The following LARGE1 variants were observed in gnomAD, a reference collection of about 807,000 sequenced individuals.
LARGE1 encodes the protein xylosyl- and glucuronyltransferase LARGE1.
Under a neutral mutation model 87.6 loss-of-function variants are expected in LARGE1, and 43 were observed. The observed-to-expected ratio is 0.49, with a 90% CI of 0.38 to 0.63. The LOEUF (loss-of-function observed/expected upper bound fraction) is 0.63. Among genes scored for constraint, LARGE1 ranks in the 30% least tolerant of loss-of-function variants. The pLI, the probability that LARGE1 is intolerant of heterozygous loss-of-function variation, is 0.00. For missense variants in LARGE1, 802 were observed against 1,000.2 expected (o/e 0.80, Z 2.67); for synonymous variants, 434 against 394.6 (o/e 1.10, Z -1.18).
intron 1 of LARGE1, among the ~76,000 whole-genome samples, chr22:33,789,644 A>G (rs1437265831): frequency 6.6e-6 from 1 of 152,180 alleles, no homozygotes; most frequent in Non-Finnish European, 1.5e-5. Context: ...ATGGGAGCCC[A>G]CCTCTTGCAT....
At chr22:33,222,254 C>A (rs150494813) in intron 11 of LARGE1, among the ~76,000 whole-genome samples, 1 of 152,098 alleles carries the variant, frequency 6.6e-6, no homozygotes, top group African/African-American at 2.4e-5. Context: ...GGGTGCTGCA[C>A]CTGAGTGCTC....
chr22:33,290,539 T>C (rs1033170946), intron 12 of LARGE1, among the ~76,000 whole-genome samples: 2 of 152,178 alleles, frequency 1.3e-5, no homozygotes, highest in African/African-American at 2.4e-5. Flanking sequence ...GAGACTGCGA[T>C]GAGCACCTAA....
At chr22:33,824,051 C>A (rs1391667447) in intron 1 of LARGE1, among the ~76,000 whole-genome samples, 1 of 152,188 alleles carries the variant, frequency 6.6e-6, no homozygotes. Context: ...TCCTTTAAGG[C>A]TGATATCATT....
intron 6 of LARGE1, among the ~76,000 whole-genome samples, chr22:33,450,203 C>T (rs1372638248): frequency 6.6e-6 from 1 of 152,082 alleles, no homozygotes; most frequent in Non-Finnish European, 1.5e-5. Flanking sequence ...TGAGCCACTG[C>T]ACCTGGCCGA....
intron 11 of LARGE1, among the ~76,000 whole-genome samples, chr22:33,214,432 G>A (rs1039661933): frequency 6.6e-6 from 1 of 151,960 alleles, no homozygotes; most frequent in Non-Finnish European, 1.5e-5. Flanking sequence ...GGGCCGGGGG[G>A]AGCAAAATAT....
intron 7 of LARGE1, among the ~76,000 whole-genome samples, chr22:33,421,749 T>C (rs2066704162): frequency 6.6e-6 from 1 of 152,190 alleles, no homozygotes; most frequent in East Asian, 1.9e-4. Context: ...AAGTGACATA[T>C]AGGAATTCCT....
chr22:33,921,738 A>T (rs1321619802), upstream of LARGE1, among the ~76,000 whole-genome samples: 1 of 152,050 alleles, frequency 6.6e-6, no homozygotes, highest in Non-Finnish European at 1.5e-5. This position sits in a 1 kb window ranked among gnomAD's most constrained non-coding sequence, Gnocchi z 4.1. Context: ...CCCTCTTGGC[A>T]TAAGAACCCG....
At chr22:33,704,601 G>A (rs2149381529) in intron 2 of LARGE1, among the ~76,000 whole-genome samples, 1 of 152,242 alleles carries the variant, frequency 6.6e-6, no homozygotes, top group African/African-American at 2.4e-5. Flanking sequence ...AGTGAGGCCT[G>A]GAAAAGATGA....
At chr22:33,385,527 CAAAAAA>C (rs75780176) in intron 7 of LARGE1, among the ~76,000 whole-genome samples, 1 of 19,442 alleles carries the variant, frequency 5.1e-5, no homozygotes, top group Admixed American at 7.0e-4. Flanking sequence ...GACACCGTCT[CAAAAAA>C]AAAAAAAAAA....
At chr22:33,405,916 A>AGTTAGAATAAATGAATT (rs1275976895) in intron 7 of LARGE1, among the ~76,000 whole-genome samples, 10 of 152,196 alleles carry the variant, frequency 6.6e-5, no homozygotes, top group African/African-American at 2.4e-4. Flanking sequence ...AGAATAAATG[A>AGTTAGAATAAATGAATT]AGACCATTAA....
At chr22:33,805,547 A>C (rs2086280962) in intron 1 of LARGE1, among the ~76,000 whole-genome samples, 1 of 152,052 alleles carries the variant, frequency 6.6e-6, no homozygotes, top group Admixed American at 6.6e-5. Context: ...CAGCCTGGCC[A>C]ACATGGTGAA....
At chr22:33,157,738 C>T (rs757013440), downstream of LARGE1, among the ~76,000 whole-genome samples, 31 of 152,040 alleles carry the variant, frequency 2.0e-4, no homozygotes, top group Admixed American at 5.2e-4. Context: ...TAGTACTCAT[C>T]GTAGTTTTAA....
intron 12 of LARGE1, among the ~76,000 whole-genome samples, chr22:33,291,772 T>TC (rs1213763633): frequency 6.6e-6 from 1 of 151,752 alleles, no homozygotes; most frequent in African/African-American, 2.4e-5. Flanking sequence ...ATGGCGTTCC[T>TC]CCCCTCTGCA....
At chr22:33,779,711 G>A (rs141986740) in intron 1 of LARGE1, among the ~76,000 whole-genome samples, 2,794 of 152,166 alleles carry the variant, frequency 0.018, 80 homozygotes, top group African/African-American at 0.062. Context: ...ACTTGAACCC[G>A]GGAGGCGGAG....
chr22:33,833,276 C>G (rs1048054656), intron 1 of LARGE1, among the ~76,000 whole-genome samples: 1 of 152,144 alleles, frequency 6.6e-6, no homozygotes, highest in South Asian at 2.1e-4. Context: ...AACTGTGCCT[C>G]CCCTAAAATG....
chr22:33,518,404 C>T (rs1026851968), intron 6 of LARGE1, among the ~76,000 whole-genome samples: 4 of 152,212 alleles, frequency 2.6e-5, no homozygotes, highest in African/African-American at 4.8e-5. Context: ...CTGCAACCTC[C>T]GCCTCCCAGG....
chr22:33,095,485 G>A, the LARGE1 span, among the ~76,000 whole-genome samples: 4 of 152,102 alleles, frequency 2.6e-5, no homozygotes, highest in Non-Finnish European at 1.5e-5. Flanking sequence ...GATTATATAC[G>A]CAGAGACCCT....
At chr22:33,604,998 G>C (rs1460629904) in intron 4 of LARGE1, among the ~76,000 whole-genome samples, 1 of 151,636 alleles carries the variant, frequency 6.6e-6, no homozygotes, top group Non-Finnish European at 1.5e-5. Flanking sequence ...CAATAGCACA[G>C]TGTAAGTTCT....
Position 33,508,487 on chromosome 22 carries a change from A to G in LARGE1, c.787+56361T>C, listed in dbSNP as rs2070872478. Among the ~76,000 whole-genome samples the G allele has an allele frequency of 3.3e-5, 5 of 152,194 alleles. 1 individual carries two copies. The South Asian group carries it at 1.0e-3, about 32-fold the overall frequency. Reference sequence around the variant, plus strand: ...GGTAACTCAACACTAAAGTGTACATATTTGACTCTCTATGTGAAAATTCTC... The same window carrying G: ...GGTAACTCAACACTAAAGTGTACATGTTTGACTCTCTATGTGAAAATTCTC... On this transcript the variant is annotated intron_variant, in intron 6 of 14. Transcript: ENST00000397394.
Sources: allele counts gnomAD v4.1 joint callset (sites outside exome capture counted in the v4.1 genomes callset), GRCh38; gene constraint gnomAD v4.1.1; non-coding constraint Gnocchi (gnomAD v3.1); transcripts MANE v1.5; gene names NCBI Gene and HGNC (gene_info 2026-07-23, HGNC 2026-07-21).